DPYD: variants seen among roughly 807,000 people sequenced by gnomAD.
DPYD encodes dihydropyrimidine dehydrogenase [NADP(+)].
Under a neutral mutation model 116.2 loss-of-function variants are expected in DPYD, and 109 were observed. The observed-to-expected ratio is 0.94, with a 90% CI of 0.80 to 1.10. DPYD has a LOEUF of 1.10. Among genes scored for constraint, DPYD ranks in the 50% least tolerant of loss-of-function variants. The pLI is 0.00. For missense variants in DPYD, 1,302 were observed against 1,254.5 expected, an observed-to-expected ratio of 1.04 and a Z score of -0.57; for synonymous variants, 440 against 432.0, an observed-to-expected ratio of 1.02 and a Z score of -0.23.
chr1:97,637,008 T>G (rs1021607109), intron 8 of DPYD, among the ~76,000 whole-genome samples: 1 of 152,102 alleles, frequency 6.6e-6, no homozygotes, highest in Non-Finnish European at 1.5e-5. Context: ...TTGAAGGTAT[T>G]TGAGATTCAA....
chr1:97,414,251 T>C (rs1674168730), intron 14 of DPYD, among the ~76,000 whole-genome samples: 2 of 152,214 alleles, frequency 1.3e-5, no homozygotes, highest in Non-Finnish European at 2.9e-5. Context: ...TTTCAAATTA[T>C]AATTTATTAC....
chr1:97,820,827 G>T (rs961888260), intron 3 of DPYD, among the ~76,000 whole-genome samples: 1 of 152,008 alleles, frequency 6.6e-6, no homozygotes, highest in Non-Finnish European at 1.5e-5. Flanking sequence ...AAAATAATTT[G>T]TATTCTTGCC....
At chr1:97,540,450 C>G (rs1650360770) in intron 12 of DPYD, among the ~76,000 whole-genome samples, 1 of 152,116 alleles carries the variant, frequency 6.6e-6, no homozygotes, top group Admixed American at 6.5e-5. Flanking sequence ...ACAAACACAA[C>G]AGTCAGATGA....
intron 8 of DPYD, among the ~76,000 whole-genome samples, chr1:97,613,765 T>C (rs1656094588): frequency 1.3e-5 from 2 of 152,044 alleles, no homozygotes; most frequent in Non-Finnish European, 2.9e-5. Context: ...TATGATTATG[T>C]ATTAGCAAAC....
At chr1:97,189,239 C>T (rs6683883) in intron 20 of DPYD, among the ~76,000 whole-genome samples, 108,940 of 152,026 alleles carry the variant, frequency 0.72, 40,289 homozygotes, top group East Asian at 0.99. Flanking sequence ...TGGTTACAGC[C>T]AAGGTTCAAA....
chr1:97,356,775 T>C (rs1670448769), intron 16 of DPYD, among the ~76,000 whole-genome samples: 1 of 152,216 alleles, frequency 6.6e-6, no homozygotes, highest in African/African-American at 2.4e-5. Flanking sequence ...AATGAAAAGA[T>C]GTCCTTTTTC....
At chr1:97,815,976 C>T (rs149377647) in intron 3 of DPYD, among the ~76,000 whole-genome samples, 1 of 152,246 alleles carries the variant, frequency 6.6e-6, no homozygotes, top group African/African-American at 2.4e-5. Context: ...CAGTTCACTG[C>T]ATATCTGCAC....
At chr1:97,308,102 AC>A (rs1667274894) in intron 16 of DPYD, among the ~76,000 whole-genome samples, 1 of 151,736 alleles carries the variant, frequency 6.6e-6, no homozygotes, top group Non-Finnish European at 1.5e-5. Flanking sequence ...AATACTATTG[AC>A]CCCCATGCCA....
chr1:97,384,667 CT>C (rs1672214084), intron 14 of DPYD, among the ~76,000 whole-genome samples: 1 of 152,028 alleles, frequency 6.6e-6, no homozygotes, highest in Non-Finnish European at 1.5e-5. Context: ...ATGAAGGTAT[CT>C]GTCTTGGTGA....
At chr1:97,542,242 C>T (rs779704594) in intron 12 of DPYD, among the ~76,000 whole-genome samples, 9 of 152,090 alleles carry the variant, frequency 5.9e-5, no homozygotes, top group South Asian at 2.1e-4. Context: ...CCACCCTATG[C>T]TTTTTGGTGA....
intron 19 of DPYD, among the ~76,000 whole-genome samples, chr1:97,207,941 A>T (rs1392867922): frequency 6.6e-6 from 1 of 152,170 alleles, no homozygotes; most frequent in African/African-American, 2.4e-5. Flanking sequence ...GAAATAGTTC[A>T]AAGTAAATGA....
At chr1:97,415,452 C>A (rs959152210) in intron 14 of DPYD, among the ~76,000 whole-genome samples, 1 of 152,058 alleles carries the variant, frequency 6.6e-6, no homozygotes, top group African/African-American at 2.4e-5. Flanking sequence ...CTCTGCCTCC[C>A]GAGTAGCTGG....
At chr1:97,599,860 CAAAAAAAAAAAAAAAAA>C (rs56940277) in intron 8 of DPYD, among the ~76,000 whole-genome samples, 6 of 36,506 alleles carry the variant, frequency 1.6e-4, no homozygotes, top group South Asian at 2.3e-3. Context: ...CCCATCTCCA[CAAAAAAAAAAAAAAAAA>C]AAAAAAAAAA....
chr1:97,843,862 A>G (rs1670160427), intron 2 of DPYD, among the ~76,000 whole-genome samples: 1 of 152,208 alleles, frequency 6.6e-6, no homozygotes, highest in South Asian at 2.1e-4. Flanking sequence ...GAGAGATGAT[A>G]CAAATATATA....
intron 13 of DPYD, among the ~76,000 whole-genome samples, chr1:97,477,448 T>G (rs1362804235): frequency 6.6e-6 from 1 of 152,184 alleles, no homozygotes; most frequent in African/African-American, 2.4e-5. Flanking sequence ...TTGAACTCAG[T>G]GAGAGATATG....
chr1:97,317,460 G>C (rs558969673), intron 16 of DPYD, among the ~76,000 whole-genome samples: 1 of 152,120 alleles, frequency 6.6e-6, no homozygotes, highest in South Asian at 2.1e-4. Flanking sequence ...ATAAGGGCAA[G>C]TGTGTATGTA....
intron 1 of DPYD, among the ~76,000 whole-genome samples, chr1:97,905,289 T>A (rs1452907336): frequency 6.6e-6 from 1 of 152,000 alleles, no homozygotes; most frequent in Non-Finnish European, 1.5e-5. Context: ...AAAATTAACC[T>A]TAGATCATAT....
intron 17 of DPYD, among the ~76,000 whole-genome samples, 188 bp downstream of exon 17, chr1:97,305,989 G>A (rs916587033): frequency 6.6e-6 from 1 of 151,840 alleles, no homozygotes; most frequent in East Asian, 1.9e-4. Context: ...AAAATTCATG[G>A]TCAATTTGCT....
intron 8 of DPYD, among the ~76,000 whole-genome samples, chr1:97,652,140 T>C (rs1553212902): frequency 6.6e-6 from 1 of 151,896 alleles, no homozygotes; most frequent in Non-Finnish European, 1.5e-5. Context: ...TCATATAACC[T>C]AAAAAAAGGA....
Sources: allele counts gnomAD v4.1 joint callset (sites outside exome capture counted in the v4.1 genomes callset), GRCh38; gene constraint gnomAD v4.1.1; transcripts MANE v1.5; gene names NCBI Gene and HGNC (gene_info 2026-07-23, HGNC 2026-07-21).